KLRD1: variants seen among roughly 807,000 people sequenced by gnomAD.
The protein encoded by KLRD1 is killer cell lectin like receptor D1.
Under a neutral mutation model 22.6 loss-of-function variants are expected in KLRD1, and 21 were observed. The ratio of observed to expected loss-of-function variants is 0.93; its 90% confidence interval spans 0.66 to 1.34. The LOEUF is 1.34. KLRD1 is among the 40% of genes most tolerant of loss of function. KLRD1 has a pLI of 0.00. For synonymous variants in KLRD1, 59 were observed against 71.1 expected (o/e 0.83, Z 0.85); for missense variants, 183 against 208.6 (o/e 0.88, Z 0.76).
At chr12:10,266,195 T>C (rs1011613168) in intron 1 of KLRD1, among the ~76,000 whole-genome samples, 26 of 152,356 alleles carry the variant, frequency 1.7e-4, no homozygotes, top group Non-Finnish European at 3.5e-4. Context: ...CATGTGTATG[T>C]GTTTGTATGT....
intron 1 of KLRD1, among the ~76,000 whole-genome samples, chr12:10,285,438 C>T (rs1183561708): frequency 6.6e-6 from 1 of 152,164 alleles, no homozygotes; most frequent in East Asian, 1.9e-4. Flanking sequence ...ATTCCTGTTA[C>T]AGTCACCATT....
intron 1 of KLRD1, among the ~76,000 whole-genome samples, chr12:10,272,228 T>C (rs1315697478): frequency 6.6e-6 from 1 of 152,170 alleles, no homozygotes; most frequent in Non-Finnish European, 1.5e-5. Flanking sequence ...CCACAACATA[T>C]TGCATGTATT....
intron 1 of KLRD1, among the ~76,000 whole-genome samples, chr12:10,264,682 C>CTGTG (rs1288838996): frequency 0.077 from 11,484 of 149,758 alleles, 460 homozygotes; most frequent in East Asian, 0.16. Flanking sequence ...TAGTTACCTT[C>CTGTG]TGTGTGTGTG....
At chr12:10,310,882 C>A (rs1049671857) in intron 3 of KLRD1, among the ~76,000 whole-genome samples, 9 of 152,142 alleles carry the variant, frequency 5.9e-5, no homozygotes, top group African/African-American at 2.2e-4. Flanking sequence ...GTTTTTATTA[C>A]CGTGGGTAAC....
chr12:10,288,061 C>CT (rs1949725968), intron 1 of KLRD1, among the ~76,000 whole-genome samples: 3 of 141,930 alleles, frequency 2.1e-5, no homozygotes, highest in African/African-American at 8.2e-5. Flanking sequence ...GAGCGAGACT[C>CT]TGTCTCAAAA....
chr12:10,242,727 A>G (rs1352046631), intron 1 of KLRD1, among the ~76,000 whole-genome samples: 1 of 152,134 alleles, frequency 6.6e-6, no homozygotes, highest in Non-Finnish European at 1.5e-5. Context: ...TTGTTTTGAT[A>G]ATAGCCAGTC....
chr12:10,280,856 C>T (rs1949634240), intron 1 of KLRD1, among the ~76,000 whole-genome samples: 2 of 152,092 alleles, frequency 1.3e-5, no homozygotes, highest in Non-Finnish European at 2.9e-5. Context: ...GTGAAAGATC[C>T]ACTGGGAACC....
intron 1 of KLRD1, among the ~76,000 whole-genome samples, chr12:10,269,184 T>G (rs1949526925): frequency 1.3e-5 from 2 of 152,276 alleles, no homozygotes; most frequent in African/African-American, 4.8e-5. Flanking sequence ...GGAGTCTCAC[T>G]TTGCCGCCCC....
chr12:10,312,025 GA>G (rs1440326999), intron 4 of KLRD1, among the ~76,000 whole-genome samples: 1 of 150,082 alleles, frequency 6.7e-6, no homozygotes, highest in Non-Finnish European at 1.5e-5. Context: ...AATATGGTAA[GA>G]AAACGTACCC....
At chr12:10,250,306 C>T (rs1010479603) in intron 1 of KLRD1, among the ~76,000 whole-genome samples, 4 of 146,242 alleles carry the variant, frequency 2.7e-5, no homozygotes, top group Non-Finnish European at 4.5e-5. Flanking sequence ...TGGCCCCAAA[C>T]ATTTTAGCAT....
chr12:10,287,383 T>A (rs1949717346), intron 1 of KLRD1, among the ~76,000 whole-genome samples: 1 of 152,174 alleles, frequency 6.6e-6, no homozygotes, highest in Non-Finnish European at 1.5e-5. Context: ...AATTTTTTTT[T>A]ATTTAACACT....
intron 1 of KLRD1, among the ~76,000 whole-genome samples, chr12:10,246,933 CTTT>C (rs71049075): frequency 3.4e-5 from 2 of 58,376 alleles, no homozygotes; most frequent in Non-Finnish European, 8.3e-5. Flanking sequence ...CTTTTCTTTT[CTTT>C]TTTTTTTTTT....
intron 1 of KLRD1, among the ~76,000 whole-genome samples, chr12:10,250,446 ACTTTT>A (rs879377671): frequency 7.4e-4 from 112 of 151,622 alleles, no homozygotes; most frequent in East Asian, 1.9e-3. Flanking sequence ...ATTGTTCCAA[ACTTTT>A]CTTTTCTTTT....
chr12:10,269,874 T>C (rs1325367806), intron 1 of KLRD1, among the ~76,000 whole-genome samples: 4 of 152,186 alleles, frequency 2.6e-5, no homozygotes, highest in Non-Finnish European at 5.9e-5. Flanking sequence ...AAGTCAAATT[T>C]AGTGCAAGCA....
Position 10,328,160 on chromosome 12 carries a change from G to T in KLRD1, c.*13367G>T, listed in dbSNP as rs772287323. 3.3e-5 allele frequency: 5 copies of T among 152,090 alleles called. No homozygotes were observed. Among genetic ancestry groups the T allele is most frequent in the Non-Finnish European group, 7.4e-5 (5 of 68,006 alleles). The allele number at this position is 152,090 out of a possible 1,614,324, so 9.4% of individuals were successfully genotyped here. On this transcript the variant is annotated 3_prime_UTR_variant, in exon 6 of 6. Coordinates refer to ENST00000336164, the MANE Select transcript of KLRD1 (RefSeq NM_002262.5). ...TGACAAGCTTTGGTGTAATGGTAAT[G>T]CTGGCCACATAAAATTAGTTTGAAA...
At chr12:10,303,297 C>T (rs1269231655), upstream of KLRD1, among the ~76,000 whole-genome samples, 1 of 152,016 alleles carries the variant, frequency 6.6e-6, no homozygotes, top group Non-Finnish European at 1.5e-5. Context: ...GTGTTGGGTT[C>T]CACAAAAATA....
rs762037961 is a variant in KLRD1 at position 10,258,769 on chromosome 12, G to A, written c.-101+32536G>A. ...GTCACTGAAAGAAATAGAGAGTGAA[G>A]AACAATATGAAAATGAGACTCTTAA... On this transcript the variant is annotated intron_variant, in intron 1 of 5. Transcript: ENST00000544747. Among the ~76,000 whole-genome samples, 39 of 151,994 alleles carry A rather than the reference G, an allele frequency of 2.6e-4. 1 individual carries two copies. Among genetic ancestry groups the A allele is most frequent in the Non-Finnish European group, 1.2e-4 (8 of 67,964 alleles).
chr12:10,314,082 A>G (rs1950164061), intron 5 of KLRD1, among the ~76,000 whole-genome samples: 1 of 152,208 alleles, frequency 6.6e-6, no homozygotes, highest in African/African-American at 2.4e-5. Flanking sequence ...TGGCCATAAA[A>G]GAACTTTTAA....
At chr12:10,293,711 T>C in intron 1 of KLRD1, among the ~76,000 whole-genome samples, 1 of 152,108 alleles carries the variant, frequency 6.6e-6, no homozygotes, top group East Asian at 1.9e-4. Context: ...AAAATGGCAC[T>C]GATAGACTTG....
Sources: allele counts gnomAD v4.1 joint callset (sites outside exome capture counted in the v4.1 genomes callset), GRCh38; gene constraint gnomAD v4.1.1; transcripts MANE v1.5; gene names NCBI Gene and HGNC (gene_info 2026-07-23, HGNC 2026-07-21).